Variants in AKR1D1 observed in about 807,000 individuals in gnomAD.
The protein encoded by AKR1D1 is aldo-keto reductase family 1 member D1.
AKR1D1 carries 32 observed loss-of-function variants against 42.6 expected under a neutral mutation model. The ratio of observed to expected loss-of-function variants is 0.75; its 90% CI spans 0.57 to 1.01. The LOEUF (loss-of-function observed/expected upper bound fraction) is 1.01, where lower values mean the gene tolerates loss of function less well. Ranked by LOEUF, AKR1D1 falls within the 50% of genes least tolerant of loss-of-function variation. The pLI is 0.00. For missense variants in AKR1D1, 364 were observed against 402.2 expected, an observed-to-expected ratio of 0.91 and a Z score of 0.81; for synonymous variants, 123 against 135.5, an observed-to-expected ratio of 0.91 and a Z score of 0.64.
intron 7 of AKR1D1, among the ~76,000 whole-genome samples, chr7:138,110,195 T>A (rs1794511001): frequency 6.6e-6 from 1 of 151,664 alleles, no homozygotes; most frequent in Non-Finnish European, 1.5e-5. Flanking sequence ...TAAAATAAAC[T>A]GTTAGAAATA....
intron 1 of AKR1D1, among the ~76,000 whole-genome samples, chr7:138,083,323 C>T (rs1803096921): frequency 6.6e-6 from 1 of 152,100 alleles, no homozygotes; most frequent in Non-Finnish European, 1.5e-5. Flanking sequence ...TACCTATTGG[C>T]CATTTGTATG....
intron 7 of AKR1D1, among the ~76,000 whole-genome samples, chr7:138,112,722 T>A (rs1794558254): frequency 6.6e-6 from 1 of 151,106 alleles, no homozygotes; most frequent in Non-Finnish European, 1.5e-5. Flanking sequence ...ATAATTAAAA[T>A]CTATTAATAA....
chr7:138,087,888 C>CT (rs1562931409), intron 1 of AKR1D1, among the ~76,000 whole-genome samples: 9 of 146,498 alleles, frequency 6.1e-5, no homozygotes, highest in African/African-American at 2.3e-4. Flanking sequence ...TGCTACATTT[C>CT]TTTTCTTTTT....
Position 138,105,435 on chromosome 7 carries a change from G to C in AKR1D1, c.579+6G>C, listed in dbSNP as rs200096959. 1.7e-5 allele frequency: 28 copies of C among 1,613,704 alleles called. No individual in the cohort carries two copies. The East Asian group carries it at 6.0e-4, about 35-fold the overall frequency. On this transcript the variant is annotated splice_donor_region_variant and intron_variant, in intron 5 of 8. Coordinates refer to ENST00000242375, the MANE Select transcript of AKR1D1 (RefSeq NM_005989.4). Reference sequence around the variant, plus strand: ...ACAAGCCAGTCAGCAACCAGGTACAGCCTAATAGCTTCCACTAGGGTGTGG... The same window carrying C: ...ACAAGCCAGTCAGCAACCAGGTACACCCTAATAGCTTCCACTAGGGTGTGG...
At chr7:138,105,559 A>G in intron 5 of AKR1D1, 130 bp downstream of exon 5, 1 of 1,358,890 alleles carries the variant, frequency 7.4e-7, no homozygotes, top group Non-Finnish European at 1.0e-6. Context: ...GACCCTGTGC[A>G]AGTCTTTAGA....
rs563731962 is a variant in AKR1D1 at position 138,091,757 on chromosome 7, G to T, written c.262-11G>T. 18 of 1,588,558 alleles carry T rather than the reference G, an allele frequency of 1.1e-5. No individual in the cohort carries two copies. Among genetic ancestry groups the T allele is most frequent in the South Asian group, 7.7e-5 (7 of 90,500 alleles). ...AGACATTAGTTAATTCTCCCTCTTT[G>T]ATTCTTTCAGCTATGGGCTACAAAT... On this transcript the variant is annotated splice_polypyrimidine_tract_variant and intron_variant, in intron 2 of 8. Transcript: ENST00000242375.
chr7:138,087,504 G>A (rs1793955698), intron 1 of AKR1D1, among the ~76,000 whole-genome samples: 1 of 152,074 alleles, frequency 6.6e-6, no homozygotes, highest in Non-Finnish European at 1.5e-5. Context: ...AACATAAAAT[G>A]TTCCTCAACA....
rs150823585 is a variant in AKR1D1, at chr7:138,088,674, A to G, written c.167A>G (p.Tyr56Cys). 5.6e-6 allele frequency: 9 copies of G among 1,613,990 alleles called. No homozygotes were observed. The highest frequency in any genetic ancestry group is 5.0e-5 in the Admixed American group (3 of 59,980). ...DTGYRHIDGA[Y>C]IYQNEHEVGE... is the part of the protein sequence containing the mutation. ...GGGTACCGACATATTGATGGGGCCT[A>G]CATCTACCAAAATGAACACGAAGTT... Residue 56 changes from tyrosine (Y) to cysteine (C), a missense_variant, in exon 2 of 9, where the codon TAC (tyrosine) becomes TGC (cysteine). By Grantham distance (194) the Tyr-to-Cys change is radical. Transcript: ENST00000242375.
chr7:138,116,931 TA>T lies in AKR1D1; in HGVS notation c.*270del. 2.3e-6 allele frequency: 1 copy of T among 435,528 alleles called. No individual in the cohort carries two copies. The allele number at this position is 435,528 out of a possible 1,614,324, so 27.0% of individuals were successfully genotyped here. A position where few individuals can be genotyped will look rare whatever the true frequency, so the allele number is the denominator to read the frequency against. ...TTCTAGATTCCAGACAGAAAAAAAT[TA>T]CACTTCAGAAAAGACATCAAAGGCA... On this transcript the variant is annotated 3_prime_UTR_variant, in exon 9 of 9. Transcript: ENST00000242375.
intron 4 of AKR1D1, among the ~76,000 whole-genome samples, chr7:138,099,250 C>G (rs1794244356): frequency 6.6e-6 from 1 of 152,172 alleles, no homozygotes; most frequent in Admixed American, 6.5e-5. Flanking sequence ...TTTGAACATT[C>G]TGTTCTAAGG....
chr7:138,087,916 GGTCT>G lies in AKR1D1; in HGVS notation c.94-680_94-677del, dbSNP rs976513167. Reference sequence around the variant, plus strand: ...TTCTTTTTTTTTTTTTTTGAGACAGGGTCTGTCTATGTTGCCCAGTCTGGAGTAC... The same window carrying G: ...TTCTTTTTTTTTTTTTTTGAGACAGGGTCTATGTTGCCCAGTCTGGAGTAC... On this transcript the variant is annotated intron_variant, in intron 1 of 8. Coordinates refer to ENST00000242375, the MANE Select transcript of AKR1D1 (RefSeq NM_005989.4). Among the ~76,000 whole-genome samples, 8 of 148,752 alleles carry G rather than the reference GGTCT, an allele frequency of 5.4e-5. No individual in the cohort carries two copies. In the East Asian group the frequency reaches 9.7e-4, roughly 18 times the overall value.
Position 138,088,584 on chromosome 7 carries a change from C to T in AKR1D1, c.94-17C>T, listed in dbSNP as rs754371521. The T allele has an allele frequency of 6.2e-7, 1 of 1,614,100 alleles. No homozygotes were observed. The highest frequency in any genetic ancestry group is 1.7e-5 in the Admixed American group (1 of 60,012). On this transcript the variant is annotated splice_polypyrimidine_tract_variant and intron_variant, in intron 1 of 8. Coordinates refer to ENST00000242375, the MANE Select transcript of AKR1D1 (RefSeq NM_005989.4). ...CCATTTCTCTTTTCCCCAAACCCAA[C>T]CTCTTTGTCACTTCAGACCCCTAAG...
In AKR1D1 at chr7:138,116,623, G is replaced by T. The variant is rs1273280803; in HGVS notation, c.942G>T (p.Trp314Cys). The change falls in exon 9 of 9, where the codon TGG (tryptophan) becomes TGT (cysteine). Residue 314 changes from tryptophan to cysteine, a missense_variant. Trp to Cys is a radical substitution (Grantham distance 215). Coordinates refer to ENST00000242375, the MANE Select transcript of AKR1D1 (RefSeq NM_005989.4). The part of the protein sequence containing the change: ...KNVRFVELLM[W>C]RDHPEYPFHD... ...TGTGGGGGAATTGTTTTGGCAGGTGGCGCGATCATCCTGAATACCCATTTC... is the reference window on the plus strand; with the variant it reads ...TGTGGGGGAATTGTTTTGGCAGGTGTCGCGATCATCCTGAATACCCATTTC... The T allele has an allele frequency of 6.2e-7, 1 of 1,614,036 alleles. No homozygotes were observed. Among genetic ancestry groups the T allele is most frequent in the East Asian group, 2.2e-5 (1 of 44,888 alleles).
chr7:138,086,013 C>A (rs914237675), intron 1 of AKR1D1, among the ~76,000 whole-genome samples: 8 of 151,942 alleles, frequency 5.3e-5, no homozygotes, highest in Middle Eastern at 3.4e-3. Context: ...AGTTTGAGAC[C>A]AGCATGGGCA....
At chr7:138,085,846 C>T (rs891201777) in intron 1 of AKR1D1, among the ~76,000 whole-genome samples, 1 of 151,830 alleles carries the variant, frequency 6.6e-6, no homozygotes, top group Admixed American at 6.6e-5. Context: ...TCTGGGGCTC[C>T]CTTCATTGTG....
chr7:138,080,905 C>T (rs1442542492), intron 1 of AKR1D1, among the ~76,000 whole-genome samples: 1 of 152,190 alleles, frequency 6.6e-6, no homozygotes, highest in Admixed American at 6.5e-5. Context: ...GAGGTCTGAG[C>T]CACCACACCT....
chr7:138,113,531 T>C (rs574888065), intron 7 of AKR1D1, among the ~76,000 whole-genome samples, 159 bp from the exon 8 acceptor site: 1 of 152,286 alleles, frequency 6.6e-6, no homozygotes, highest in South Asian at 2.1e-4. Flanking sequence ...GAACAGAGTA[T>C]CCAGCTCCAC....
rs763628356 is a variant in AKR1D1, at chr7:138,107,590, T to C, written c.855+10T>C. 9 of 1,612,998 alleles carry C rather than the reference T, an allele frequency of 5.6e-6. No individual in the cohort carries two copies. The African/African-American group carries it at 1.1e-4, about 19-fold the overall frequency. On this transcript the variant is annotated intron_variant, in intron 7 of 8. Transcript: ENST00000242375. ...CAAAGAAAATTTTCAGGTAAGAGAA[T>C]TGCTTTTGGAGATGTGAAAAGATGG... is the stretch of plus-strand genomic sequence containing the variant.
chr7:138,088,379 G>A (rs1332812870), intron 1 of AKR1D1, among the ~76,000 whole-genome samples: 2 of 152,162 alleles, frequency 1.3e-5, no homozygotes, highest in East Asian at 1.9e-4. Context: ...ACGAAGCTGA[G>A]GGCAGACCTG....
Sources: allele counts gnomAD v4.1 joint callset (sites outside exome capture counted in the v4.1 genomes callset), GRCh38; gene constraint gnomAD v4.1.1; transcripts MANE v1.5; gene names NCBI Gene and HGNC (gene_info 2026-07-23, HGNC 2026-07-21).